The following DLGAP1 variants were observed in gnomAD, a reference collection of about 807,000 sequenced individuals.
DLGAP1 encodes the protein DLG associated protein 1.
DLGAP1 carries 11 observed loss-of-function variants against 90.8 expected under a neutral mutation model. The observed-to-expected ratio is 0.12, with a 90% CI of 0.08 to 0.20. The LOEUF is 0.20. Among genes scored for constraint, DLGAP1 ranks in the 10% least tolerant of loss-of-function variants. The pLI is 1.00. For synonymous variants in DLGAP1, 558 were observed against 540.7 expected (o/e 1.03, Z -0.44); for missense variants, 1,050 against 1,333.8 (o/e 0.79, Z 3.31).
intron 9 of DLGAP1, among the ~76,000 whole-genome samples, chr18:3,560,242 A>C (rs2053998040): frequency 6.6e-6 from 1 of 151,644 alleles, no homozygotes; most frequent in East Asian, 2.0e-4. Flanking sequence ...AGCACAGTGA[A>C]ACCCCGTCTC....
intron 1 of DLGAP1, among the ~76,000 whole-genome samples, chr18:4,369,485 AACTT>A (rs1056034479): frequency 4.7e-4 from 72 of 152,164 alleles, no homozygotes; most frequent in African/African-American, 1.7e-3. Context: ...AAATTTAAAT[AACTT>A]AATATTGTCT....
At chr18:3,538,492 C>T (rs1243572403) in intron 9 of DLGAP1, among the ~76,000 whole-genome samples, 1 of 152,130 alleles carries the variant, frequency 6.6e-6, no homozygotes, top group Admixed American at 6.5e-5. Context: ...GAAAGTGGTT[C>T]TTCCAACAAC....
In DLGAP1 at chr18:3,506,236, G is replaced by A. The variant is rs78948414; in HGVS notation, c.2571+2334C>T. On this transcript the variant is annotated intron_variant, in intron 11 of 12. Transcript: ENST00000315677. The stretch of plus-strand genomic sequence containing the variant: ...TGGGCAACAAGAGTGAAACTCGGCC[G>A]GGCATGGTGGCTCACGCCTGTAATC... Among the ~76,000 whole-genome samples the A allele has an allele frequency of 5.4e-4, 78 of 144,798 alleles. No individual in the cohort carries two copies. The East Asian group carries it at 0.015, about 29-fold the overall frequency. The allele number at this position is 144,798 out of a possible 152,430, so 95.0% of individuals were successfully genotyped here.
chr18:3,847,236 C>T (rs1285877675), intron 4 of DLGAP1, among the ~76,000 whole-genome samples: 2 of 152,050 alleles, frequency 1.3e-5, no homozygotes, highest in African/African-American at 2.4e-5. Context: ...GCCAAAAGAA[C>T]GTTGTCATAT....
intron 2 of DLGAP1, among the ~76,000 whole-genome samples, chr18:4,067,055 C>G (rs888603886): frequency 6.6e-6 from 1 of 152,032 alleles, no homozygotes; most frequent in African/African-American, 2.4e-5. Flanking sequence ...TGCCATTATC[C>G]TTAGCAAATT....
At chr18:4,128,054 CAAT>C (rs1297337518) in intron 2 of DLGAP1, among the ~76,000 whole-genome samples, 1 of 152,122 alleles carries the variant, frequency 6.6e-6, no homozygotes, top group Non-Finnish European at 1.5e-5. Context: ...TATTTCCCCT[CAAT>C]AACAGCACTA....
At chr18:3,529,388 A>C (rs2051849821) in intron 10 of DLGAP1, among the ~76,000 whole-genome samples, 1 of 152,102 alleles carries the variant, frequency 6.6e-6, no homozygotes, top group Non-Finnish European at 1.5e-5. Flanking sequence ...GTGAGCAATA[A>C]ATTTCTATTG....
In DLGAP1 at chr18:4,276,704, A is replaced by G. The variant is rs201135222; in HGVS notation, c.-266-125417T>C. Among the ~76,000 whole-genome samples the G allele has an allele frequency of 5.3e-5, 8 of 152,280 alleles. No individual in the cohort carries two copies. The East Asian group carries it at 1.3e-3, about 26-fold the overall frequency. ...TCATGGTAAAAGTAAAATGTCTTACAGTATAATTCTACCAATAGGTAATTT... is the reference window on the plus strand; with the variant it reads ...TCATGGTAAAAGTAAAATGTCTTACGGTATAATTCTACCAATAGGTAATTT... On this transcript the variant is annotated intron_variant, in intron 1 of 12. Coordinates refer to ENST00000315677, the MANE Select transcript of DLGAP1 (RefSeq NM_004746.4).
At chr18:3,995,806 T>G (rs1053340441) in intron 3 of DLGAP1, 1 of 152,074 alleles carries the variant, frequency 6.6e-6, no homozygotes, top group African/African-American at 2.4e-5. Flanking sequence ...TAAGATATCT[T>G]TCTGTAAATT....
intron 9 of DLGAP1, among the ~76,000 whole-genome samples, chr18:3,536,800 A>G (rs1300751728): frequency 6.6e-6 from 1 of 152,140 alleles, no homozygotes; most frequent in East Asian, 1.9e-4. Flanking sequence ...CGCCCTATAT[A>G]TCTCTGGCTG....
chr18:4,056,186 A>G (rs1314867727), intron 2 of DLGAP1, among the ~76,000 whole-genome samples: 1 of 152,188 alleles, frequency 6.6e-6, no homozygotes, highest in Non-Finnish European at 1.5e-5. Flanking sequence ...ACCAAAGCTC[A>G]GGTCTGATCC....
intron 1 of DLGAP1, among the ~76,000 whole-genome samples, chr18:4,284,828 G>T (rs963090078): frequency 2.0e-5 from 3 of 152,200 alleles, no homozygotes; most frequent in African/African-American, 7.2e-5. Context: ...CTGAAGAACT[G>T]AGGTAATGAA....
At chr18:3,551,013 T>A (rs2053373878) in intron 9 of DLGAP1, among the ~76,000 whole-genome samples, 1 of 151,878 alleles carries the variant, frequency 6.6e-6, no homozygotes, top group African/African-American at 2.4e-5. Context: ...AGTGCTGGGA[T>A]TACAGGCGTG....
intron 7 of DLGAP1, among the ~76,000 whole-genome samples, chr18:3,631,058 G>A (rs2058507265): frequency 6.6e-6 from 1 of 151,860 alleles, no homozygotes; most frequent in Non-Finnish European, 1.5e-5. Context: ...TCGGCTCATT[G>A]CATCCTCTGC....
chr18:3,498,261 A>G lies in DLGAP1; in HGVS notation c.*924T>C, dbSNP rs1173354988. The G allele has an allele frequency of 6.6e-6, 1 of 152,224 alleles. No individual in the cohort carries two copies. The highest frequency in any genetic ancestry group is 2.4e-5 in the African/African-American group (1 of 41,446). 9.4% of individuals were successfully genotyped at this position (152,224 alleles called of 1,614,324 possible). A position where few individuals can be genotyped will look rare whatever the true frequency, so the allele number is the denominator to read the frequency against. ...TTAATAGAACCAACACTTTCCCTTT[A>G]AAAACAGCCGCCACGACAACAATAT... On this transcript the variant is annotated 3_prime_UTR_variant, in exon 13 of 13. Transcript: ENST00000315677.
chr18:4,419,615 A>G (rs1228421820), intron 1 of DLGAP1, among the ~76,000 whole-genome samples: 3 of 151,780 alleles, frequency 2.0e-5, no homozygotes, highest in Non-Finnish European at 4.4e-5. Context: ...GCATATTTCA[A>G]TGTTAAATTT....
At chr18:3,702,304 CA>C (rs2061308119) in intron 7 of DLGAP1, among the ~76,000 whole-genome samples, 2 of 152,368 alleles carry the variant, frequency 1.3e-5, no homozygotes, top group African/African-American at 4.8e-5. Flanking sequence ...GCTGGGATTA[CA>C]GGCGTAAGCC....
chr18:4,091,742 G>A (rs1353079911), intron 2 of DLGAP1, among the ~76,000 whole-genome samples: 2 of 152,078 alleles, frequency 1.3e-5, no homozygotes, highest in Non-Finnish European at 2.9e-5. Flanking sequence ...ACATCTCTCT[G>A]TGAAATTCCG....
At chr18:3,877,440 G>C (rs959361398) in intron 4 of DLGAP1, among the ~76,000 whole-genome samples, 2 of 152,134 alleles carry the variant, frequency 1.3e-5, no homozygotes, top group African/African-American at 4.8e-5. Context: ...TTAAGTACAG[G>C]TGTTTTTGTT....
Sources: allele counts gnomAD v4.1 joint callset (sites outside exome capture counted in the v4.1 genomes callset), GRCh38; gene constraint gnomAD v4.1.1; transcripts MANE v1.5; gene names NCBI Gene and HGNC (gene_info 2026-07-23, HGNC 2026-07-21).